The following ADGRB3 variants were observed in gnomAD, a reference collection of about 807,000 sequenced individuals.
ADGRB3 encodes adhesion G protein-coupled receptor B3.
In ADGRB3, 37 loss-of-function variants were observed where a neutral mutation model predicts 193.4. That is an observed-to-expected ratio of 0.19 (90% CI 0.15 to 0.25). The LOEUF is 0.25. Ranked by LOEUF, ADGRB3 falls within the 10% of genes least tolerant of loss-of-function variation. The pLI is 1.00. For missense variants in ADGRB3, 1,637 were observed against 1,852.9 expected, an observed-to-expected ratio of 0.88 and a Z score of 2.14; for synonymous variants, 690 against 644.2, an observed-to-expected ratio of 1.07 and a Z score of -1.08.
chr6:69,176,812 A>C (rs1355325147), intron 17 of ADGRB3, among the ~76,000 whole-genome samples: 1 of 152,144 alleles, frequency 6.6e-6, no homozygotes, highest in Non-Finnish European at 1.5e-5. Flanking sequence ...TCAGAACTCA[A>C]TATTGATCTG....
At chr6:69,135,409 C>G (rs1023014169) in intron 17 of ADGRB3, among the ~76,000 whole-genome samples, 4 of 151,728 alleles carry the variant, frequency 2.6e-5, no homozygotes, top group African/African-American at 9.7e-5. Flanking sequence ...CCTCTATAAG[C>G]TAATTTAATG....
intron 17 of ADGRB3, among the ~76,000 whole-genome samples, chr6:69,121,622 A>G (rs1232862263): frequency 6.6e-6 from 1 of 151,496 alleles, no homozygotes; most frequent in Non-Finnish European, 1.5e-5. Flanking sequence ...CACTTCCCAG[A>G]TGGGGCAGCG....
chr6:69,223,642 C>G (rs1765945758), intron 17 of ADGRB3, among the ~76,000 whole-genome samples: 1 of 140,374 alleles, frequency 7.1e-6, no homozygotes, highest in Non-Finnish European at 1.5e-5. Flanking sequence ...TTTTGAATCT[C>G]TCTCTCTCTC....
intron 20 of ADGRB3, among the ~76,000 whole-genome samples, chr6:69,241,744 C>T (rs1350098688): frequency 6.6e-6 from 1 of 151,928 alleles, no homozygotes; most frequent in Non-Finnish European, 1.5e-5. Flanking sequence ...AAGTAATTAA[C>T]TACAGAATAG....
At chr6:68,963,675 A>G (rs1768296103) in intron 8 of ADGRB3, among the ~76,000 whole-genome samples, 1 of 152,118 alleles carries the variant, frequency 6.6e-6, no homozygotes, top group Non-Finnish European at 1.5e-5. Flanking sequence ...GGGCTCCCCT[A>G]ATGTCCCTGT....
At chr6:68,691,750 A>T (rs1291685260) in intron 3 of ADGRB3, among the ~76,000 whole-genome samples, 1 of 151,824 alleles carries the variant, frequency 6.6e-6, no homozygotes, top group East Asian at 1.9e-4. Flanking sequence ...AATGTTCACC[A>T]CTAAGTAATA....
chr6:68,973,414 G>A (rs1472614576), intron 8 of ADGRB3, among the ~76,000 whole-genome samples: 1 of 152,066 alleles, frequency 6.6e-6, no homozygotes, highest in African/African-American at 2.4e-5. Context: ...GATTTAATTT[G>A]TCAACTTGTA....
In ADGRB3 at chr6:69,338,933, A is replaced by G; in HGVS notation, c.3206A>G (p.His1069Arg). 6.2e-7 allele frequency: 1 copy of G among 1,613,824 alleles called. No homozygotes were observed. Among genetic ancestry groups the G allele is most frequent in the Non-Finnish European group, 8.5e-7 (1 of 1,179,822 alleles). The stretch of plus-strand genomic sequence containing the variant: ...GTTTGCAGTCAGATGAGTGAGCCTC[A>G]TAGCGGTTTGACGCTCAAATGTGCC... The part of the protein sequence containing the change: ...KHRAGQMSEP[H>R]SGLTLKCAKC... The change falls in exon 25 of 32, where the codon CAT becomes CGT. Residue 1069 changes from histidine (H) to arginine (R), a missense_variant. This residue lies in a region of ADGRB3 where 56 missense variants were observed against 53.3 expected (regional missense o/e 1.05). Transcript: ENST00000370598.
In ADGRB3 at chr6:68,768,274, A is replaced by C. The variant is rs544640330; in HGVS notation, c.757+128842A>C. On this transcript the variant is annotated intron_variant, in intron 3 of 31. Transcript: ENST00000370598. ...AAGAACAAATCTGGAGGCATCACGC[A>C]ACCTGACTTCAAACTATACTATAAG... is the stretch of plus-strand genomic sequence containing the variant. 1.2e-4 allele frequency among the ~76,000 whole-genome samples: 19 copies of C among 152,144 alleles called. 2 individuals carry two copies. The South Asian group carries it at 3.9e-3, about 32-fold the overall frequency.
intron 3 of ADGRB3, among the ~76,000 whole-genome samples, chr6:68,665,494 A>G (rs1389980688): frequency 1.3e-5 from 2 of 151,846 alleles, no homozygotes; most frequent in South Asian, 2.1e-4. Flanking sequence ...TAACTTGAAT[A>G]TCTCTGGAGG....
intron 20 of ADGRB3, among the ~76,000 whole-genome samples, chr6:69,299,181 C>A (rs1767899573): frequency 6.6e-6 from 1 of 151,744 alleles, no homozygotes; most frequent in Non-Finnish European, 1.5e-5. Flanking sequence ...TTTATGGTTT[C>A]TTTTGAGAAA....
At chr6:68,659,878 G>C (rs1437122268) in intron 3 of ADGRB3, among the ~76,000 whole-genome samples, 1 of 150,750 alleles carries the variant, frequency 6.6e-6, no homozygotes, top group Non-Finnish European at 1.5e-5. Context: ...ACACACAATT[G>C]CTAGGAAGGA....
intron 13 of ADGRB3, among the ~76,000 whole-genome samples, chr6:69,038,568 CAT>C (rs1770942445): frequency 6.6e-6 from 1 of 152,034 alleles, no homozygotes; most frequent in Non-Finnish European, 1.5e-5. Flanking sequence ...ATTTTGTGTT[CAT>C]GTTTGGATTG....
intron 3 of ADGRB3, among the ~76,000 whole-genome samples, chr6:68,664,715 G>C (rs1391729881): frequency 6.6e-6 from 1 of 151,840 alleles, no homozygotes; most frequent in Non-Finnish European, 1.5e-5. Context: ...GTTGTGCAGA[G>C]AGTTAAGCGT....
intron 4 of ADGRB3, among the ~76,000 whole-genome samples, chr6:68,933,245 G>C (rs745385993): frequency 1.3e-5 from 2 of 151,934 alleles, no homozygotes; most frequent in Non-Finnish European, 2.9e-5. Context: ...TTTCATTACC[G>C]TGAGGAAAAT....
intron 17 of ADGRB3, among the ~76,000 whole-genome samples, chr6:69,178,904 G>T (rs1775506026): frequency 6.6e-6 from 1 of 152,092 alleles, no homozygotes; most frequent in South Asian, 2.1e-4. Flanking sequence ...ATCTTAGATA[G>T]CCTGGTGACT....
At chr6:68,916,835 G>T (rs1766892129) in intron 3 of ADGRB3, among the ~76,000 whole-genome samples, 1 of 152,192 alleles carries the variant, frequency 6.6e-6, no homozygotes, top group South Asian at 2.1e-4. Flanking sequence ...TGGTCTTGAA[G>T]GTGTAGGCTG....
At chr6:69,176,814 A>G (rs2150349810) in intron 17 of ADGRB3, among the ~76,000 whole-genome samples, 1 of 152,298 alleles carries the variant, frequency 6.6e-6, no homozygotes, top group Non-Finnish European at 1.5e-5. Context: ...AGAACTCAAT[A>G]TTGATCTGCT....
chr6:68,773,673 G>A (rs555470167), intron 3 of ADGRB3, among the ~76,000 whole-genome samples: 3 of 152,248 alleles, frequency 2.0e-5, no homozygotes, highest in Non-Finnish European at 4.4e-5. Context: ...AAGTTGTTGT[G>A]GAAAGTACAT....
Sources: gnomAD v4.1 joint callset for allele counts (sites outside exome capture counted in the v4.1 genomes callset) on GRCh38, gnomAD v4.1.1 for gene constraint, gnomAD v4.1.1 regional missense constraint, MANE v1.5 for transcripts, NCBI Gene and HGNC (gene_info 2026-07-23, HGNC 2026-07-21) for gene names.